GOLGA3: variants seen among roughly 807,000 people sequenced by gnomAD.
The protein encoded by GOLGA3 is golgin subfamily A member 3.
Under a neutral mutation model 169.4 loss-of-function variants are expected in GOLGA3, and 75 were observed. The ratio of observed to expected loss-of-function variants is 0.44; its 90% CI spans 0.37 to 0.54. GOLGA3 has a LOEUF of 0.54. Ranked by LOEUF, GOLGA3 falls within the 20% of genes least tolerant of loss-of-function variation. The pLI is 0.00. For synonymous variants in GOLGA3, 824 were observed against 822.4 expected (o/e 1.00, Z -0.03); for missense variants, 1,899 against 1,930.0 (o/e 0.98, Z 0.30).
intron 3 of GOLGA3, among the ~76,000 whole-genome samples, chr12:132,816,322 G>A (rs1359084293): frequency 6.6e-6 from 1 of 152,254 alleles, no homozygotes; most frequent in Non-Finnish European, 1.5e-5. Flanking sequence ...CAGCACTGCT[G>A]CCAGTCAGAC....
At chr12:132,781,254 G>A (rs1173634778) in intron 17 of GOLGA3, among the ~76,000 whole-genome samples, 1 of 151,830 alleles carries the variant, frequency 6.6e-6, no homozygotes, top group Non-Finnish European at 1.5e-5. Context: ...GCAAGAGCCA[G>A]ACCCTGTCTC....
chr12:132,786,268 T>C, intron 15 of GOLGA3, 71 bp downstream of exon 15: 1 of 1,073,432 alleles, frequency 9.3e-7, no homozygotes, highest in Non-Finnish European at 1.4e-6. Flanking sequence ...AGGGGACAAC[T>C]GCTGATGGAG....
chr12:132,774,554 C>G, intron 22 of GOLGA3: 1 of 583,342 alleles, frequency 1.7e-6, no homozygotes, highest in East Asian at 2.9e-5. Context: ...CAGAGACAAC[C>G]TAAGTCCTGG....
chr12:132,787,182 G>A (rs1029595932), intron 13 of GOLGA3, among the ~76,000 whole-genome samples: 7 of 152,040 alleles, frequency 4.6e-5, no homozygotes, highest in African/African-American at 1.4e-4. Flanking sequence ...TTGAACTCCT[G>A]ACCTCGTGAT....
At chr12:132,806,512 C>T (rs1949410827) in intron 6 of GOLGA3, among the ~76,000 whole-genome samples, 1 of 152,200 alleles carries the variant, frequency 6.6e-6, no homozygotes, top group Admixed American at 6.5e-5. Flanking sequence ...GTGCATTTAG[C>T]AAGGCAAGCT....
At chr12:132,796,344 T>A in intron 10 of GOLGA3, 124 bp from the exon 11 acceptor site, 2 of 1,265,332 alleles carry the variant, frequency 1.6e-6, no homozygotes, top group South Asian at 3.0e-5. Context: ...TCACGCACAA[T>A]CCTGGTATAG....
intron 12 of GOLGA3, 31 bp from the exon 13 acceptor site, chr12:132,789,321 T>C (rs1350044893): frequency 1.3e-6 from 2 of 1,537,402 alleles, no homozygotes; most frequent in Middle Eastern, 2.3e-4. Flanking sequence ...GAGCGGACGC[T>C]GGGCGGCGGG....
intron 11 of GOLGA3, among the ~76,000 whole-genome samples, chr12:132,795,225 C>T (rs1023851979): frequency 2.6e-5 from 4 of 151,158 alleles, no homozygotes; most frequent in African/African-American, 4.9e-5. Flanking sequence ...GGCGCGGTGG[C>T]TCACGCCTGT....
chr12:132,828,377 G>A (rs1172467893), intron 1 of GOLGA3: 1 of 152,352 alleles, frequency 6.6e-6, no homozygotes, highest in East Asian at 1.9e-4. Flanking sequence ...ATGAAGACAA[G>A]TCGGCCAGCG....
intron 18 of GOLGA3, among the ~76,000 whole-genome samples, chr12:132,780,379 G>GT (rs1447610215): frequency 6.6e-6 from 1 of 152,216 alleles, no homozygotes; most frequent in East Asian, 1.9e-4. Context: ...CGTGACCAAC[G>GT]TGTCAGTGAA....
At chr12:132,786,629 T>TGCC in intron 14 of GOLGA3, 64 bp downstream of exon 14, 16 of 1,059,158 alleles carry the variant, frequency 1.5e-5, no homozygotes, top group Non-Finnish European at 2.1e-5. Context: ...CTGGTTCGCC[T>TGCC]CCCCCCCGGC....
At chr12:132,773,866 C>CTG (rs1420501603) in intron 23 of GOLGA3, among the ~76,000 whole-genome samples, 1 of 104,918 alleles carries the variant, frequency 9.5e-6, no homozygotes, top group Admixed American at 1.1e-4. Context: ...ACCGCAGAGG[C>CTG]TGTGAGTCCC....
chr12:132,810,659 C>G (rs1253156001), intron 4 of GOLGA3, among the ~76,000 whole-genome samples: 2 of 152,192 alleles, frequency 1.3e-5, no homozygotes, highest in African/African-American at 4.8e-5. Context: ...CAGAGGGCTC[C>G]TGGGTCTAGC....
In GOLGA3 at chr12:132,796,626, C is replaced by T. The variant is rs755746207; in HGVS notation, c.2013G>A (p.Gln671=). ...CACCTTCAAACTCTTCCAGCCTCCT[C>T]TGAAGGTCCTCCTCCACCATCGTCT... The part of the protein sequence containing the change: ...EAKTMVEEDL[Q]RRLEEFEGER... Residue 671 remains glutamine (Q), a synonymous_variant, in exon 10 of 24, where the codon CAG becomes CAA. Transcript: ENST00000450791. 3.1e-6 allele frequency: 5 copies of T among 1,614,128 alleles called. No individual in the cohort carries two copies. Among genetic ancestry groups the T allele is most frequent in the Non-Finnish European group, 4.2e-6 (5 of 1,179,998 alleles).
intron 17 of GOLGA3, among the ~76,000 whole-genome samples, chr12:132,781,685 GAT>G (rs2045615512): frequency 6.6e-6 from 1 of 152,164 alleles, no homozygotes; most frequent in Non-Finnish European, 1.5e-5. Flanking sequence ...ACTAAGATGG[GAT>G]AGTCAACACC....
chr12:132,809,265 A>G (rs1184988131), intron 4 of GOLGA3, among the ~76,000 whole-genome samples: 1 of 152,256 alleles, frequency 6.6e-6, no homozygotes, highest in African/African-American at 2.4e-5. Flanking sequence ...AGGATGGAAC[A>G]TGAAGGCAGA....
intron 18 of GOLGA3, among the ~76,000 whole-genome samples, chr12:132,778,995 A>AG (rs1170539366): frequency 6.7e-6 from 1 of 149,950 alleles, no homozygotes; most frequent in Non-Finnish European, 1.5e-5. Context: ...GCCCAGCAGC[A>AG]GGCCCCAGGC....
chr12:132,790,426 T>C (rs1269462898), intron 12 of GOLGA3, among the ~76,000 whole-genome samples: 8 of 152,166 alleles, frequency 5.3e-5, no homozygotes, highest in Non-Finnish European at 1.0e-4. Flanking sequence ...ACTCACAATA[T>C]AGCTTCGGGG....
intron 12 of GOLGA3, 55 bp from the exon 13 acceptor site, chr12:132,789,345 A>G: frequency 6.8e-7 from 1 of 1,463,188 alleles, no homozygotes; most frequent in Non-Finnish European, 9.1e-7. Flanking sequence ...TGGGGGGCGT[A>G]CCTGGGGGTC....
Sources: allele counts gnomAD v4.1 joint callset (sites outside exome capture counted in the v4.1 genomes callset), GRCh38; gene constraint gnomAD v4.1.1; transcripts MANE v1.5; gene names NCBI Gene and HGNC (gene_info 2026-07-23, HGNC 2026-07-21).